The following HSD17B3 variants were observed in gnomAD, a reference collection of about 807,000 sequenced individuals.
HSD17B3 encodes 17-beta-hydroxysteroid dehydrogenase type 3.
Under a neutral mutation model 41.1 loss-of-function variants are expected in HSD17B3, and 29 were observed. That is an observed-to-expected ratio of 0.71 (90% confidence interval 0.53 to 0.96). The LOEUF (loss-of-function observed/expected upper bound fraction) is 0.96. Among genes scored for constraint, HSD17B3 ranks in the 40% least tolerant of loss-of-function variants. The probability of loss-of-function intolerance (pLI) is 0.00; values close to 1 mark genes in which losing one functional copy is unlikely to be tolerated. For synonymous variants in HSD17B3, 126 were observed against 145.6 expected (o/e 0.87, Z 0.97); for missense variants, 323 against 374.6 (o/e 0.86, Z 1.14).
chr9:96,275,084 T>C (rs1174370884), intron 2 of HSD17B3, among the ~76,000 whole-genome samples: 2 of 150,584 alleles, frequency 1.3e-5, no homozygotes, highest in African/African-American at 4.9e-5. Context: ...ATATTCAAAA[T>C]ACTGAAAGGA....
intron 2 of HSD17B3, among the ~76,000 whole-genome samples, chr9:96,270,081 G>A (rs1053869188): frequency 6.6e-6 from 1 of 152,150 alleles, no homozygotes; most frequent in African/African-American, 2.4e-5. Flanking sequence ...ATGTGTCGGG[G>A]TGAGGGAAGG....
At chr9:96,244,422 GCCCCAGAGTGAGCTCCCT>G in intron 8 of HSD17B3, 28 bp from the exon 9 acceptor site, 1 of 1,612,034 alleles carries the variant, frequency 6.2e-7, no homozygotes, top group East Asian at 2.2e-5. Context: ...GACACCTGAG[GCCCCAGAGTGAGCTCCCT>G]CGTCAGAGCC....
Position 96,254,952 on chromosome 9 carries a change from G to A in HSD17B3, c.202-9C>T, listed in dbSNP as rs761072606. 38 of 1,612,620 alleles carry A rather than the reference G, an allele frequency of 2.4e-5. No individual in the cohort carries two copies. The highest frequency in any genetic ancestry group is 3.1e-5 in the Non-Finnish European group (37 of 1,179,222). ...AGTCCACGTTTTGCTAGCTGAGAGT[G>A]GGAGTGAAAAACCAAGAGACAAGGA... On this transcript the variant is annotated splice_polypyrimidine_tract_variant and intron_variant, in intron 2 of 10. Transcript: ENST00000375263.
At chr9:96,256,977 C>T (rs973124725) in intron 2 of HSD17B3, among the ~76,000 whole-genome samples, 3 of 152,076 alleles carry the variant, frequency 2.0e-5, no homozygotes, top group Non-Finnish European at 4.4e-5. Flanking sequence ...GAGTCATCTC[C>T]GGATCTGGTG....
Position 96,248,438 on chromosome 9 carries a change from A to G in HSD17B3, c.489+1313T>C, listed in dbSNP as rs535867951. Among the ~76,000 whole-genome samples, 5 of 152,218 alleles carry G rather than the reference A, an allele frequency of 3.3e-5. No homozygotes were observed. In the South Asian group the frequency reaches 1.0e-3, roughly 32 times the overall value. ...TTCTTTGGGAAATCTGTCCTCCCCT[A>G]CTTCCAGTCCATGTTGTTCAGATGG... On this transcript the variant is annotated intron_variant, in intron 6 of 10. Transcript: ENST00000375263.
intron 2 of HSD17B3, among the ~76,000 whole-genome samples, chr9:96,290,799 A>T (rs529231392): frequency 2.0e-5 from 3 of 151,606 alleles, no homozygotes; most frequent in Non-Finnish European, 2.9e-5. Context: ...GCGCCACTGC[A>T]CTCCAGTTTG....
In HSD17B3 at chr9:96,302,097, T is replaced by TC; in HGVS notation, c.7dup (p.Asp3GlyfsTer77). ...GAGGATGAAGAACTGTTCCAGGACG[T>TC]CCCCCATGGCTGCACTCAACAGACT... is the stretch of plus-strand genomic sequence containing the variant. On this transcript the variant is annotated frameshift_variant, in exon 1 of 11. Coordinates refer to ENST00000375263, the MANE Select transcript of HSD17B3 (RefSeq NM_000197.2). LOFTEE classifies it high-confidence loss of function. 1 of 1,613,920 alleles carries TC rather than the reference T, an allele frequency of 6.2e-7. No homozygotes were observed. Among genetic ancestry groups the TC allele is most frequent in the Non-Finnish European group, 8.5e-7 (1 of 1,179,982 alleles).
At chr9:96,254,165 C>T (rs1035134669) in intron 3 of HSD17B3, among the ~76,000 whole-genome samples, 11 of 152,102 alleles carry the variant, frequency 7.2e-5, no homozygotes, top group Non-Finnish European at 1.0e-4. Flanking sequence ...CATAATAAAA[C>T]ATTATGATAT....
In HSD17B3 at chr9:96,240,779, G is replaced by A. The variant is rs1481179585; in HGVS notation, c.801C>T (p.Gly267=). 1 of 1,614,052 alleles carries A rather than the reference G, an allele frequency of 6.2e-7. No homozygotes were observed. The change falls in exon 10 of 11, where the codon GGC becomes GGT. Residue 267 remains glycine, a synonymous_variant. Coordinates refer to ENST00000375263, the MANE Select transcript of HSD17B3 (RefSeq NM_000197.2). The part of the protein sequence containing the change: ...NYVTIGGETC[G]CLAHEILAGF... Reference sequence around the variant, plus strand: ...TTACCAAGATTTCATGGGCAAGGCAGCCACAGGTTTCACCTCCAATTGTGA... The same window carrying A: ...TTACCAAGATTTCATGGGCAAGGCAACCACAGGTTTCACCTCCAATTGTGA...
chr9:96,285,041 G>A (rs139008616), intron 2 of HSD17B3, among the ~76,000 whole-genome samples: 4,172 of 152,090 alleles, frequency 0.027, 207 homozygotes, highest in African/African-American at 0.095. Context: ...GTTTCACCAT[G>A]TTGGCCAGGC....
chr9:96,252,446 G>A (rs1041227099), intron 4 of HSD17B3, among the ~76,000 whole-genome samples: 26 of 151,788 alleles, frequency 1.7e-4, no homozygotes, highest in African/African-American at 6.0e-4. Flanking sequence ...GGGAGACTGA[G>A]GCAGGAGAAT....
intron 2 of HSD17B3, among the ~76,000 whole-genome samples, chr9:96,264,386 A>G (rs967019804): frequency 6.6e-6 from 1 of 152,208 alleles, no homozygotes; most frequent in African/African-American, 2.4e-5. Flanking sequence ...TGGATCAATG[A>G]TAATAACTCA....
intron 7 of HSD17B3, among the ~76,000 whole-genome samples, chr9:96,245,895 C>G (rs553112763): frequency 2.6e-5 from 4 of 152,308 alleles, no homozygotes; most frequent in African/African-American, 9.6e-5. Flanking sequence ...AGGACCTGCT[C>G]ACACAGATAC....
Position 96,235,574 on chromosome 9 carries a change from A to G in HSD17B3, c.823-4T>C. 1.2e-6 allele frequency: 2 copies of G among 1,611,428 alleles called. No homozygotes were observed. Among genetic ancestry groups the G allele is most frequent in the Non-Finnish European group, 8.5e-7 (1 of 1,177,892 alleles). ...GGATCAGGCTCAGAAAGCCCGCCTT[A>G]AACAGAGAGAAGCATCAGTGTTGGG... On this transcript the variant is annotated splice_region_variant and splice_polypyrimidine_tract_variant and intron_variant, in intron 10 of 10. Transcript: ENST00000375263.
At position 96,259,728 on chromosome 9, in the gene HSD17B3, A is replaced by AT. The variant is rs199847827; in HGVS notation, c.202-4786_202-4785insA. ...AGAACAAGACTCCGTCTCAAAAGAA[A>AT]AAAAAAAAGTGTGTAGCGGAGAATC... On this transcript the variant is annotated intron_variant, in intron 2 of 10. Coordinates refer to ENST00000375263, the MANE Select transcript of HSD17B3 (RefSeq NM_000197.2). 5.4e-3 allele frequency among the ~76,000 whole-genome samples: 819 copies of AT among 151,726 alleles called. 8 individuals are homozygous for AT. Among genetic ancestry groups the AT allele is most frequent in the African/African-American group, 0.018 (755 of 41,278 alleles).
At chr9:96,254,150 A>G (rs1226313775) in intron 3 of HSD17B3, among the ~76,000 whole-genome samples, 1 of 152,228 alleles carries the variant, frequency 6.6e-6, no homozygotes, top group Non-Finnish European at 1.5e-5. Context: ...TTCAGAGCAA[A>G]TCATCATAAT....
At position 96,244,174 on chromosome 9, in the gene HSD17B3, C is replaced by T. The variant is rs1836562441; in HGVS notation, c.672+155G>A. ...GGCGCCCCAAAAGCCCACGTGGCAT[C>T]CCCAGCTCATCTTCCTGTTGACCAC... On this transcript the variant is annotated intron_variant, in intron 9 of 10. Coordinates refer to ENST00000375263, the MANE Select transcript of HSD17B3 (RefSeq NM_000197.2). 3 of 807,380 alleles carry T rather than the reference C, an allele frequency of 3.7e-6. No individual in the cohort carries two copies. The South Asian group carries it at 4.1e-5, about 11-fold the overall frequency. 50.0% of individuals were successfully genotyped at this position (807,380 alleles called of 1,614,324 possible).
At chr9:96,238,017 C>T (rs1836295794) in intron 10 of HSD17B3, among the ~76,000 whole-genome samples, 2 of 151,996 alleles carry the variant, frequency 1.3e-5, no homozygotes. Context: ...TGCCTATAGT[C>T]CCAGCTACTG....
At chr9:96,281,309 A>C (rs987575967) in intron 2 of HSD17B3, among the ~76,000 whole-genome samples, 2 of 151,966 alleles carry the variant, frequency 1.3e-5, no homozygotes, top group Non-Finnish European at 1.5e-5. Context: ...CCCCCGACCC[A>C]AAAAAAATAG....
Sources: allele counts gnomAD v4.1 joint callset (sites outside exome capture counted in the v4.1 genomes callset), GRCh38; gene constraint gnomAD v4.1.1; transcripts MANE v1.5; gene names NCBI Gene and HGNC (gene_info 2026-07-23, HGNC 2026-07-21).